The following PCED1B variants were observed in gnomAD, a reference collection of about 807,000 sequenced individuals.
The protein encoded by PCED1B is PC-esterase domain-containing protein 1B.
For synonymous variants in PCED1B, 251 were observed against 246.1 expected (o/e 1.02, Z -0.19); for missense variants, 573 against 573.9 (o/e 1.00, Z 0.02).
chr12:47,215,023 A>G (rs1443436184), intron 2 of PCED1B, among the ~76,000 whole-genome samples: 2 of 151,498 alleles, frequency 1.3e-5, no homozygotes, highest in Non-Finnish European at 2.9e-5. Flanking sequence ...AGGACCTGGG[A>G]TTACGGGAAC....
chr12:47,234,321 C>T (rs796818005), intron 3 of PCED1B, among the ~76,000 whole-genome samples: 28 of 152,168 alleles, frequency 1.8e-4, no homozygotes, highest in African/African-American at 6.8e-4. Flanking sequence ...CACAGGTACT[C>T]TTTCTTTGTG....
intron 2 of PCED1B, among the ~76,000 whole-genome samples, chr12:47,180,231 T>C (rs776316730): frequency 9.9e-5 from 15 of 152,224 alleles, no homozygotes; most frequent in Non-Finnish European, 1.9e-4. Flanking sequence ...CTGAGGATAA[T>C]GGCTTCCAGC....
intron 2 of PCED1B, among the ~76,000 whole-genome samples, chr12:47,111,297 T>C (rs1832514420): frequency 1.3e-5 from 2 of 152,216 alleles, no homozygotes; most frequent in South Asian, 4.1e-4. Context: ...TTTAAATGCT[T>C]CAAAATGCAT....
rs137979353 is a variant in PCED1B, at chr12:47,109,096, C to T, written c.-526+4901C>T. Among the ~76,000 whole-genome samples the T allele has an allele frequency of 2.3e-3, 352 of 152,284 alleles. 1 individual carries two copies. The highest frequency in any genetic ancestry group is 7.8e-3 in the African/African-American group (326 of 41,560). On this transcript the variant is annotated intron_variant, in intron 2 of 3. Coordinates refer to ENST00000546455, the MANE Select transcript of PCED1B (RefSeq NM_138371.3). The stretch of plus-strand genomic sequence containing the variant: ...ATTATTCTAGGTTGAATGAAAATCA[C>T]CTACTTGATAGTACTCTACTTATGT...
At position 47,155,493 on chromosome 12, in the gene PCED1B, C is replaced by T. The variant is rs1000681238; in HGVS notation, c.-526+51298C>T. On this transcript the variant is annotated intron_variant, in intron 2 of 3. Transcript: ENST00000546455. ...CATGGTGTTTTATGATTTGAATTAT[C>T]ATCTGAGTCTGTGACCCTGAATACA... 5.9e-5 allele frequency among the ~76,000 whole-genome samples: 9 copies of T among 152,352 alleles called. No homozygotes were observed. In the South Asian group the frequency reaches 1.7e-3, roughly 28 times the overall value.
intron 2 of PCED1B, among the ~76,000 whole-genome samples, chr12:47,145,551 C>T (rs1473516320): frequency 6.6e-6 from 1 of 152,134 alleles, no homozygotes; most frequent in African/African-American, 2.4e-5. Context: ...TTTTTAGGTA[C>T]CGATGCAACT....
At chr12:47,213,272 A>T (rs1189471749) in intron 2 of PCED1B, among the ~76,000 whole-genome samples, 1 of 152,238 alleles carries the variant, frequency 6.6e-6, no homozygotes, top group Non-Finnish European at 1.5e-5. Context: ...GAAACAAATT[A>T]TTCATTATTC....
intron 2 of PCED1B, among the ~76,000 whole-genome samples, chr12:47,105,545 G>A (rs1251566855): frequency 6.6e-6 from 1 of 152,178 alleles, no homozygotes; most frequent in Non-Finnish European, 1.5e-5. Context: ...TAGCGGACTA[G>A]GGCCTGAGGT....
At chr12:47,234,903 G>T in intron 3 of PCED1B, 104 bp from the exon 4 acceptor site, 1 of 548,488 alleles carries the variant, frequency 1.8e-6, no homozygotes, top group Non-Finnish European at 3.0e-6. Context: ...CAGGGCAGAG[G>T]CCACAGCGCC....
chr12:47,224,237 G>C (rs765825316), intron 3 of PCED1B, among the ~76,000 whole-genome samples: 5 of 152,208 alleles, frequency 3.3e-5, no homozygotes, highest in Non-Finnish European at 7.4e-5. Context: ...TTAAAAAAGT[G>C]AGGTCACTGG....
At chr12:47,100,235 T>C (rs1350442015) in intron 1 of PCED1B, among the ~76,000 whole-genome samples, 2 of 152,216 alleles carry the variant, frequency 1.3e-5, no homozygotes, top group East Asian at 1.9e-4. Context: ...AAGTCATATA[T>C]GGAAAGAAAA....
In PCED1B at chr12:47,211,916, A is replaced by C. The variant is rs55849521; in HGVS notation, c.-525-4306A>C. Among the ~76,000 whole-genome samples the C allele has an allele frequency of 4.0e-5, 6 of 151,096 alleles. No individual in the cohort carries two copies. In the East Asian group the frequency reaches 9.7e-4, roughly 25 times the overall value. On this transcript the variant is annotated intron_variant, in intron 2 of 3. Coordinates refer to ENST00000546455, the MANE Select transcript of PCED1B (RefSeq NM_138371.3). Reference sequence around the variant, plus strand: ...CGGTGAAACCCCGTCTCTACTAAAAATACAAAAAATTAGCCGGGCGTAGTG... The same window carrying C: ...CGGTGAAACCCCGTCTCTACTAAAACTACAAAAAATTAGCCGGGCGTAGTG...
At chr12:47,209,028 C>T (rs1478896395) in intron 2 of PCED1B, 1 of 152,198 alleles carries the variant, frequency 6.6e-6, no homozygotes, top group East Asian at 1.9e-4. Context: ...TTACATCACC[C>T]TTCTCTATGT....
chr12:47,182,605 A>T (rs1045080937), intron 2 of PCED1B, among the ~76,000 whole-genome samples: 3 of 152,092 alleles, frequency 2.0e-5, no homozygotes, highest in African/African-American at 7.2e-5. Flanking sequence ...AAAAAAAGAA[A>T]AAAAAAGAAT....
At chr12:47,221,269 T>A (rs1420401949) in intron 3 of PCED1B, among the ~76,000 whole-genome samples, 3 of 151,674 alleles carry the variant, frequency 2.0e-5, no homozygotes, top group Non-Finnish European at 4.4e-5. Flanking sequence ...ATTGCAACAT[T>A]CCCCTCCTCC....
chr12:47,097,974 A>G (rs1336726312), intron 1 of PCED1B, among the ~76,000 whole-genome samples: 1 of 152,250 alleles, frequency 6.6e-6, no homozygotes, highest in Admixed American at 6.5e-5. Context: ...GTTTTATGCC[A>G]TAGCAAATAA....
chr12:47,110,956 T>C (rs973638524), intron 2 of PCED1B, among the ~76,000 whole-genome samples: 5 of 152,218 alleles, frequency 3.3e-5, no homozygotes, highest in Admixed American at 1.3e-4. Context: ...CATGAAAGAA[T>C]GCTCTGGTGT....
chr12:47,089,564 A>G lies in PCED1B; in HGVS notation c.-609+9839A>G, dbSNP rs531834026. On this transcript the variant is annotated intron_variant, in intron 1 of 3. Coordinates refer to ENST00000546455, the MANE Select transcript of PCED1B (RefSeq NM_138371.3). ...GCTGCAAGAGAGCTTTGGGAAGCCA[A>G]GTTTATAATCATAAATATGTTTGGT... Among the ~76,000 whole-genome samples the G allele has an allele frequency of 6.1e-5, 9 of 148,518 alleles. No individual in the cohort carries two copies. The East Asian group carries it at 1.8e-3, about 29-fold the overall frequency.
intron 3 of PCED1B, 45 bp from the exon 4 acceptor site, chr12:47,234,962 G>A (rs1038625937): frequency 6.9e-6 from 8 of 1,151,878 alleles, no homozygotes; most frequent in Non-Finnish European, 9.6e-6. Flanking sequence ...TGGGCGCTCC[G>A]CCCAGAGGTG....
Sources: allele counts gnomAD v4.1 joint callset (sites outside exome capture counted in the v4.1 genomes callset), GRCh38; gene constraint gnomAD v4.1.1; transcripts MANE v1.5; gene names NCBI Gene and HGNC (gene_info 2026-07-23, HGNC 2026-07-21).